Variants in SCFD2 observed in about 807,000 individuals in gnomAD.
SCFD2 encodes sec1 family domain containing 2.
In SCFD2, 54 loss-of-function variants were observed where a neutral mutation model predicts 58.9. That is an observed-to-expected ratio of 0.92 (90% CI 0.74 to 1.15). The LOEUF (loss-of-function observed/expected upper bound fraction) is 1.15. SCFD2 is among the 50% of genes most tolerant of loss of function. The pLI is 0.00. For missense variants in SCFD2, 805 were observed against 836.6 expected (o/e 0.96, Z 0.47); for synonymous variants, 321 against 335.9 (o/e 0.96, Z 0.49).
At chr4:53,193,841 C>A (rs1727982966) in intron 4 of SCFD2, among the ~76,000 whole-genome samples, 1 of 152,026 alleles carries the variant, frequency 6.6e-6, no homozygotes. Flanking sequence ...AGATTCTATT[C>A]AAATAGGACA....
rs192669191 is a variant in SCFD2 at position 53,123,374 on chromosome 4, G to A, written c.1561+21959C>T. On this transcript the variant is annotated intron_variant, in intron 5 of 8. Transcript: ENST00000401642. ...CCAGGCTAGGTTTTTAAATGTTTCCGGTTTGGCTAAGGAAATGGGAAGAGA... is the reference window on the plus strand; with the variant it reads ...CCAGGCTAGGTTTTTAAATGTTTCCAGTTTGGCTAAGGAAATGGGAAGAGA... 9.0e-4 allele frequency among the ~76,000 whole-genome samples: 137 copies of A among 152,162 alleles called. No individual in the cohort carries two copies. In the Middle Eastern group the frequency reaches 0.014, roughly 15 times the overall value.
intron 5 of SCFD2, among the ~76,000 whole-genome samples, chr4:53,028,649 G>T (rs1286160113): frequency 6.6e-6 from 1 of 152,088 alleles, no homozygotes; most frequent in Non-Finnish European, 1.5e-5. Flanking sequence ...AAGGGAGAGA[G>T]GGAAGGATAG....
chr4:53,254,933 C>T (rs182530512), intron 4 of SCFD2, among the ~76,000 whole-genome samples: 16,525 of 148,772 alleles, frequency 0.11, 1,030 homozygotes, highest in South Asian at 0.19. Flanking sequence ...AGTGCAGTGG[C>T]GCAATCTTGG....
At chr4:53,356,790 G>T (rs930367233) in intron 1 of SCFD2, among the ~76,000 whole-genome samples, 2 of 144,840 alleles carry the variant, frequency 1.4e-5, no homozygotes, top group African/African-American at 5.2e-5. Flanking sequence ...AGCCTGGAGT[G>T]CAGTGGCGCG....
intron 4 of SCFD2, among the ~76,000 whole-genome samples, chr4:53,239,771 C>T (rs1002846947): frequency 3.2e-4 from 49 of 152,222 alleles, no homozygotes; most frequent in African/African-American, 1.1e-3. Flanking sequence ...GCACCATGCC[C>T]GGCCTTTGTT....
chr4:52,878,989 C>T (rs1205039125), intron 8 of SCFD2, among the ~76,000 whole-genome samples: 1 of 152,192 alleles, frequency 6.6e-6, no homozygotes, highest in Non-Finnish European at 1.5e-5. Context: ...TCCTTCCCCT[C>T]CCTCTCTTTC....
At chr4:52,900,478 T>C (rs1719160426) in intron 7 of SCFD2, among the ~76,000 whole-genome samples, 1 of 152,232 alleles carries the variant, frequency 6.6e-6, no homozygotes, top group African/African-American at 2.4e-5. Flanking sequence ...CCGCAAATGC[T>C]GCTGCCTGAT....
chr4:53,000,566 G>A (rs1365760592), intron 5 of SCFD2, among the ~76,000 whole-genome samples: 11 of 152,198 alleles, frequency 7.2e-5, no homozygotes, highest in Non-Finnish European at 1.3e-4. Context: ...GAGGAGCCAG[G>A]GGATCCATAA....
intron 8 of SCFD2, among the ~76,000 whole-genome samples, chr4:52,878,864 T>C (rs895352645): frequency 6.6e-6 from 1 of 152,190 alleles, no homozygotes; most frequent in Non-Finnish European, 1.5e-5. Context: ...CTAAAATGCT[T>C]CTTTTGATTC....
rs1464811748 is a variant in SCFD2, at chr4:53,070,481, G to C, written c.1561+74852C>G. On this transcript the variant is annotated intron_variant, in intron 5 of 8. Transcript: ENST00000401642. The stretch of plus-strand genomic sequence containing the variant: ...TTGTATCCAAAATGATGAAGGAAAA[G>C]GGTAGATAAATTTTAAATTGTTTAG... Among the ~76,000 whole-genome samples the C allele has an allele frequency of 2.0e-5, 3 of 152,006 alleles. No homozygotes were observed. The East Asian group carries it at 5.8e-4, about 29-fold the overall frequency.
chr4:52,924,017 G>A (rs1410091107), intron 5 of SCFD2, among the ~76,000 whole-genome samples: 1 of 152,028 alleles, frequency 6.6e-6, no homozygotes, highest in Non-Finnish European at 1.5e-5. Flanking sequence ...ACAAAAACAA[G>A]GAGAAAAAAA....
intron 4 of SCFD2, among the ~76,000 whole-genome samples, chr4:53,237,414 C>A (rs1313488372): frequency 4.1e-5 from 6 of 147,818 alleles, no homozygotes. Context: ...CAGTAGGGGG[C>A]GGCCGGGCAG....
chr4:53,289,171 C>A (rs1291311989), intron 3 of SCFD2, among the ~76,000 whole-genome samples: 1 of 151,866 alleles, frequency 6.6e-6, no homozygotes, highest in Admixed American at 6.6e-5. Flanking sequence ...TTGAGACCAG[C>A]CTGACCAACA....
chr4:53,254,446 A>G (rs1027122776), intron 4 of SCFD2, among the ~76,000 whole-genome samples: 3 of 151,668 alleles, frequency 2.0e-5, no homozygotes, highest in African/African-American at 7.3e-5. Context: ...CTCCCCAGCA[A>G]TGTGGAACTG....
intron 2 of SCFD2, among the ~76,000 whole-genome samples, chr4:53,344,049 T>G (rs903133990): frequency 6.6e-6 from 1 of 152,124 alleles, no homozygotes; most frequent in African/African-American, 2.4e-5. Context: ...AAGACAGGGA[T>G]GCCCTCTCTC....
At chr4:53,018,307 T>A (rs1405738273) in intron 5 of SCFD2, among the ~76,000 whole-genome samples, 2 of 152,208 alleles carry the variant, frequency 1.3e-5, no homozygotes, top group African/African-American at 4.8e-5. Context: ...AAATCTATTA[T>A]TCACAGATTA....
intron 5 of SCFD2, among the ~76,000 whole-genome samples, chr4:52,991,158 T>C (rs553640838): frequency 1.3e-5 from 2 of 152,246 alleles, no homozygotes; most frequent in East Asian, 3.9e-4. Context: ...TGGTGAGACA[T>C]GGGAGATAGA....
intron 4 of SCFD2, among the ~76,000 whole-genome samples, chr4:53,235,840 G>C (rs542400525): frequency 6.6e-6 from 1 of 151,950 alleles, no homozygotes; most frequent in Non-Finnish European, 1.5e-5. Context: ...TGTGTATAAG[G>C]ACAAAAAGGG....
At chr4:53,233,287 G>T (rs1385326019) in intron 4 of SCFD2, among the ~76,000 whole-genome samples, 1 of 152,210 alleles carries the variant, frequency 6.6e-6, no homozygotes, top group Non-Finnish European at 1.5e-5. Flanking sequence ...AGTGGCTCAG[G>T]ATGGAAGATT....
Sources: allele counts gnomAD v4.1 joint callset (sites outside exome capture counted in the v4.1 genomes callset), GRCh38; gene constraint gnomAD v4.1.1; transcripts MANE v1.5; gene names NCBI Gene and HGNC (gene_info 2026-07-23, HGNC 2026-07-21).